The following ITPR2 variants were observed in gnomAD, a reference collection of about 807,000 sequenced individuals.
ITPR2 encodes inositol 1,4,5-trisphosphate-gated calcium channel ITPR2.
In ITPR2, 207 loss-of-function variants were observed where a neutral mutation model predicts 317.1. The ratio of observed to expected loss-of-function variants is 0.65; its 90% CI spans 0.58 to 0.73. The LOEUF (loss-of-function observed/expected upper bound fraction) is 0.73, where lower values mean the gene tolerates loss of function less well. Ranked by LOEUF, ITPR2 falls within the 30% of genes least tolerant of loss-of-function variation. The pLI is 0.00. For missense variants in ITPR2, 2,613 were observed against 3,284.0 expected, an observed-to-expected ratio of 0.80 and a Z score of 4.99; for synonymous variants, 1,156 against 1,149.1, an observed-to-expected ratio of 1.01 and a Z score of -0.12.
rs1481581612 is a variant in ITPR2 at position 26,657,720 on chromosome 12, G to T, written c.2179C>A (p.Leu727Ile). 3.1e-6 allele frequency: 5 copies of T among 1,613,952 alleles called. No individual in the cohort carries two copies. Among genetic ancestry groups the T allele is most frequent in the Non-Finnish European group, 4.2e-6 (5 of 1,179,856 alleles). ...ATAATACTTAACCTGTAATAGGTAA[G>T]AACTTCTAAGTCAGCTTTGGTGCCT... ...KEGTKADLEV[L>I]TYYRYQLNLF... is the part of the protein sequence containing the mutation. Residue 727 changes from leucine (L) to isoleucine (I), a missense_variant, in exon 18 of 57, where the codon CTT (leucine) becomes ATT (isoleucine). By Grantham distance (5) the Leu-to-Ile change is conservative. Around this residue, in one of 9 missense-constraint regions of ITPR2, gnomAD observed 817 missense variants for 897.6 expected, o/e 0.91. Coordinates refer to ENST00000381340, the MANE Select transcript of ITPR2 (RefSeq NM_002223.4).
chr12:26,812,701 A>T (rs1227066801), intron 1 of ITPR2, among the ~76,000 whole-genome samples: 1 of 152,258 alleles, frequency 6.6e-6, no homozygotes, highest in Non-Finnish European at 1.5e-5. Flanking sequence ...ACCACTGAGG[A>T]ACACAAGAGA....
chr12:26,600,054 A>C lies in ITPR2; in HGVS notation c.3734T>G (p.Phe1245Cys), dbSNP rs755512553. ...TTGATTCTGTGGATTTCCTCGACAG[A>C]AATTCTGCAGAAATGTATGGGCTAG... is the stretch of plus-strand genomic sequence containing the variant. ...MNLAHTFLQN[F>C]CRGNPQNQVL... Residue 1245 changes from phenylalanine (F) to cysteine (C), a missense_variant, in exon 29 of 57, where the codon TTC (phenylalanine) becomes TGC (cysteine). Physicochemically the swap from Phe to Cys is radical, Grantham distance 205. Transcript: ENST00000381340. 1 of 1,606,880 alleles carries C rather than the reference A, an allele frequency of 6.2e-7. No homozygotes were observed. Among genetic ancestry groups the C allele is most frequent in the Non-Finnish European group, 8.5e-7 (1 of 1,173,656 alleles).
chr12:26,387,656 C>G (rs1939704570), intron 54 of ITPR2, 62 bp from the exon 55 acceptor site: 14 of 1,462,020 alleles, frequency 9.6e-6, no homozygotes, highest in Non-Finnish European at 1.3e-5. Flanking sequence ...TGCTTCTTAG[C>G]ATAAAAACAA....
intron 54 of ITPR2, among the ~76,000 whole-genome samples, chr12:26,389,847 A>G (rs187899645): frequency 9.2e-4 from 140 of 152,346 alleles, no homozygotes; most frequent in African/African-American, 3.2e-3. Context: ...ATACTCAGCA[A>G]AGGAGAAAGA....
rs1228039215 is a variant in ITPR2, at chr12:26,336,579, T to A, written c.*2818A>T. 6.6e-6 allele frequency: 1 copy of A among 152,232 alleles called. No individual in the cohort carries two copies. The highest frequency in any genetic ancestry group is 1.9e-4 in the East Asian group (1 of 5,200). The allele number at this position is 152,232 out of a possible 1,614,324, so 9.4% of individuals were successfully genotyped here. ...TGTATGATACAAGCATTTTCTCATC[T>A]AAAAGTGTTATTTTAACTCAGAAAA... On this transcript the variant is annotated 3_prime_UTR_variant, in exon 57 of 57. Transcript: ENST00000381340.
chr12:26,356,149 G>T (rs769207615), intron 55 of ITPR2, among the ~76,000 whole-genome samples: 1 of 152,156 alleles, frequency 6.6e-6, no homozygotes, highest in Non-Finnish European at 1.5e-5. Flanking sequence ...CAACTGTCTT[G>T]CTGACTCTGG....
At position 26,540,954 on chromosome 12, in the gene ITPR2, A is replaced by G. The variant is rs549324634; in HGVS notation, c.5073+9293T>C. On this transcript the variant is annotated intron_variant, in intron 37 of 56. Coordinates refer to ENST00000381340, the MANE Select transcript of ITPR2 (RefSeq NM_002223.4). Reference sequence around the variant, plus strand: ...TGTATACTAAAGCAGATGTCTTATTATAAGAACACATCAACTCATTTTCAT... The same window carrying G: ...TGTATACTAAAGCAGATGTCTTATTGTAAGAACACATCAACTCATTTTCAT... 4.1e-4 allele frequency among the ~76,000 whole-genome samples: 63 copies of G among 152,240 alleles called. 1 individual carries two copies. The highest frequency in any genetic ancestry group is 1.4e-3 in the African/African-American group (59 of 41,542).
chr12:26,605,102 TAA>T (rs71870137), intron 26 of ITPR2, among the ~76,000 whole-genome samples: 34,440 of 100,826 alleles, frequency 0.34, 5,145 homozygotes, highest in African/African-American at 0.45. Flanking sequence ...AAAAAAAAAA[TAA>T]AAATAAAAAA....
At chr12:26,454,956 C>T (rs1156422037) in intron 45 of ITPR2, among the ~76,000 whole-genome samples, 1 of 152,106 alleles carries the variant, frequency 6.6e-6, no homozygotes, top group Non-Finnish European at 1.5e-5. Flanking sequence ...GTGAAGAGCA[C>T]AATCTTACTA....
Position 26,712,663 on chromosome 12 carries a change from AC to A in ITPR2, c.856-1396del, listed in dbSNP as rs1948669447. Among the ~76,000 whole-genome samples, 4 of 115,096 alleles carry A rather than the reference AC, an allele frequency of 3.5e-5. No individual in the cohort carries two copies. The South Asian group carries it at 1.0e-3, about 29-fold the overall frequency. The allele number at this position is 115,096 out of a possible 152,430, so 75.5% of individuals were successfully genotyped here. ...CACACACACACACACACACACACAC[AC>A]ACACACACACAATTTTGTGGTTTGT... On this transcript the variant is annotated intron_variant, in intron 8 of 56. Transcript: ENST00000381340.
intron 21 of ITPR2, among the ~76,000 whole-genome samples, chr12:26,651,511 T>C (rs776940182): frequency 5.9e-5 from 9 of 152,218 alleles, no homozygotes; most frequent in Non-Finnish European, 1.2e-4. Context: ...CTGATCTTAG[T>C]TTTTGAATTT....
At chr12:26,762,121 TAGG>T (rs1949645375) in intron 2 of ITPR2, among the ~76,000 whole-genome samples, 1 of 152,058 alleles carries the variant, frequency 6.6e-6, no homozygotes, top group Admixed American at 6.5e-5. Context: ...AGAACTGATA[TAGG>T]AATTACGGGG....
At chr12:26,344,202 A>C (rs981664589) in intron 55 of ITPR2, among the ~76,000 whole-genome samples, 6 of 152,088 alleles carry the variant, frequency 3.9e-5, no homozygotes, top group Admixed American at 6.5e-5. Context: ...ATTATAAACC[A>C]CCCAGTCTCA....
intron 55 of ITPR2, among the ~76,000 whole-genome samples, chr12:26,381,004 T>C (rs991724509): frequency 2.0e-5 from 3 of 152,190 alleles, no homozygotes; most frequent in Non-Finnish European, 4.4e-5. Flanking sequence ...GAATTCATTC[T>C]TAAGGGTGAG....
At chr12:26,366,013 G>A (rs189970325) in intron 55 of ITPR2, among the ~76,000 whole-genome samples, 1 of 152,190 alleles carries the variant, frequency 6.6e-6, no homozygotes, top group East Asian at 1.9e-4. Flanking sequence ...CTATTTTAAA[G>A]TAATTACCAG....
chr12:26,763,465 T>TACAC (rs1424044408), intron 2 of ITPR2, among the ~76,000 whole-genome samples: 8 of 152,144 alleles, frequency 5.3e-5, no homozygotes, highest in Admixed American at 4.6e-4. Flanking sequence ...TAGGGATACA[T>TACAC]ACACATGTGA....
At chr12:26,623,155 T>G (rs1266457612) in intron 24 of ITPR2, among the ~76,000 whole-genome samples, 1 of 152,228 alleles carries the variant, frequency 6.6e-6, no homozygotes, top group Non-Finnish European at 1.5e-5. Flanking sequence ...TACCCAACTC[T>G]ATCTGTGGTT....
At chr12:26,481,494 T>C (rs1226964053) in intron 42 of ITPR2, among the ~76,000 whole-genome samples, 1 of 152,212 alleles carries the variant, frequency 6.6e-6, no homozygotes, top group African/African-American at 2.4e-5. Context: ...ATGAACTGTG[T>C]TTATAGAATT....
chr12:26,430,685 A>C (rs1941182022), intron 48 of ITPR2, among the ~76,000 whole-genome samples: 1 of 152,258 alleles, frequency 6.6e-6, no homozygotes, highest in African/African-American at 2.4e-5. Context: ...TTATTTTAAT[A>C]ATACAAAAAG....
Sources: gnomAD v4.1 joint callset for allele counts (sites outside exome capture counted in the v4.1 genomes callset) on GRCh38, gnomAD v4.1.1 for gene constraint, gnomAD v4.1.1 regional missense constraint, MANE v1.5 for transcripts, NCBI Gene and HGNC (gene_info 2026-07-23, HGNC 2026-07-21) for gene names.